UPF2: variants seen among roughly 807,000 people sequenced by gnomAD.
UPF2 encodes the protein UPF2 regulator of nonsense mediated mRNA decay, also known as regulator of nonsense transcripts 2.
In UPF2, 17 loss-of-function variants were observed where a neutral mutation model predicts 141.4. The ratio of observed to expected loss-of-function variants is 0.12; its 90% CI spans 0.08 to 0.18. The LOEUF is 0.18. Ranked by LOEUF, UPF2 falls within the 10% of genes least tolerant of loss-of-function variation. The pLI is 1.00. For synonymous variants in UPF2, 540 were observed against 498.0 expected, an observed-to-expected ratio of 1.08 and a Z score of -1.12; for missense variants, 1,152 against 1,515.9, an observed-to-expected ratio of 0.76 and a Z score of 3.99.
At chr10:12,035,653 T>C (rs769010044) in intron 1 of UPF2, 28 of 482,526 alleles carry the variant, frequency 5.8e-5, no homozygotes, top group Non-Finnish European at 8.8e-5. Context: ...TCTAAGTACT[T>C]GTTTTTTACT....
intron 4 of UPF2, among the ~76,000 whole-genome samples, chr10:12,012,546 G>GT (rs1383708137): frequency 2.0e-5 from 3 of 151,478 alleles, no homozygotes; most frequent in Non-Finnish European, 4.4e-5. Flanking sequence ...TTGGGAGGCC[G>GT]AGGTGTACCT....
At chr10:12,031,554 G>A (rs972915966) in intron 2 of UPF2, among the ~76,000 whole-genome samples, 51 of 152,298 alleles carry the variant, frequency 3.3e-4, no homozygotes, top group African/African-American at 1.1e-3. Flanking sequence ...AAGCTGAGGT[G>A]GGAAGAGCCC....
chr10:12,022,003 G>A (rs1390973938), intron 3 of UPF2, among the ~76,000 whole-genome samples: 1 of 152,110 alleles, frequency 6.6e-6, no homozygotes, highest in Non-Finnish European at 1.5e-5. Flanking sequence ...AGTCGAGTGT[G>A]GTGGCAGGTG....
chr10:11,934,792 G>A (rs987796583), intron 19 of UPF2, among the ~76,000 whole-genome samples: 6 of 152,110 alleles, frequency 3.9e-5, no homozygotes, highest in Non-Finnish European at 5.9e-5. Flanking sequence ...GTTTCACTAT[G>A]TTGGTCAGGC....
At chr10:11,988,611 G>C (rs910163121) in intron 8 of UPF2, among the ~76,000 whole-genome samples, 4 of 152,202 alleles carry the variant, frequency 2.6e-5, no homozygotes, top group African/African-American at 7.2e-5. Flanking sequence ...CCAGGGAGGA[G>C]GACGAGAATC....
At chr10:12,001,467 T>G (rs1352717054) in intron 6 of UPF2, among the ~76,000 whole-genome samples, 2 of 152,124 alleles carry the variant, frequency 1.3e-5, no homozygotes, top group Non-Finnish European at 2.9e-5. Flanking sequence ...ATTTAAAATT[T>G]AGATGATCAT....
intron 8 of UPF2, among the ~76,000 whole-genome samples, chr10:11,989,526 G>A (rs1833745627): frequency 6.6e-6 from 1 of 152,136 alleles, no homozygotes; most frequent in African/African-American, 2.4e-5. Context: ...TCAAAAGACT[G>A]TCCTCTACCA....
intron 16 of UPF2, among the ~76,000 whole-genome samples, chr10:11,947,833 T>C (rs75456057): frequency 0.17 from 25,314 of 150,244 alleles, 2,425 homozygotes; most frequent in South Asian, 0.26. Flanking sequence ...CAATTTTTTC[T>C]TTAAATTGCT....
At position 11,992,325 on chromosome 10, in the gene UPF2, T is replaced by C. The variant is rs775760012; in HGVS notation, c.1844+5347A>G. Among the ~76,000 whole-genome samples the C allele has an allele frequency of 3.9e-5, 6 of 152,014 alleles. No individual in the cohort carries two copies. Among genetic ancestry groups the C allele is most frequent in the Non-Finnish European group, 7.4e-5 (5 of 67,990 alleles). Reference sequence around the variant, plus strand: ...CTGAAATAATGCTGAAAGTTAAATATCACTCAAATACAAGAATAAGTACAT... The same window carrying C: ...CTGAAATAATGCTGAAAGTTAAATACCACTCAAATACAAGAATAAGTACAT... On this transcript the variant is annotated intron_variant, in intron 8 of 21. Coordinates refer to ENST00000357604, the MANE Select transcript of UPF2 (RefSeq NM_015542.4). The surrounding 1 kb of genome is among the most constrained non-coding windows in gnomAD (Gnocchi z 4.1).
intron 9 of UPF2, among the ~76,000 whole-genome samples, chr10:11,969,669 C>T (rs965459254): frequency 2.0e-5 from 3 of 152,148 alleles, no homozygotes; most frequent in Admixed American, 2.0e-4. Flanking sequence ...CATATACATG[C>T]ACATAAAAAA....
At chr10:12,032,628 C>CT (rs1834545366) in intron 2 of UPF2, among the ~76,000 whole-genome samples, 1 of 151,830 alleles carries the variant, frequency 6.6e-6, no homozygotes, top group South Asian at 2.1e-4. Flanking sequence ...GTCCCAGCTA[C>CT]TCAAGAGGCA....
chr10:11,974,672 G>T (rs911178846), intron 9 of UPF2, among the ~76,000 whole-genome samples: 2 of 152,162 alleles, frequency 1.3e-5, no homozygotes, highest in African/African-American at 4.8e-5. Flanking sequence ...TTCTACGATG[G>T]ATTACGTTTA....
chr10:11,993,156 A>C (rs1045761512), intron 8 of UPF2, among the ~76,000 whole-genome samples: 4 of 66,570 alleles, frequency 6.0e-5, no homozygotes, highest in African/African-American at 1.2e-4. Flanking sequence ...CCTCAAAAAA[A>C]AAAAAAAAAA....
intron 3 of UPF2, among the ~76,000 whole-genome samples, chr10:12,023,510 T>TAAAAAAAAA (rs762703531): frequency 5.1e-5 from 6 of 117,258 alleles, no homozygotes; most frequent in East Asian, 2.6e-4. Flanking sequence ...CTGTCTCTAC[T>TAAAAAAAAA]AAAAAAAAAA....
chr10:12,001,230 A>G (rs1833947534), intron 6 of UPF2, among the ~76,000 whole-genome samples: 1 of 152,164 alleles, frequency 6.6e-6, no homozygotes, highest in African/African-American at 2.4e-5. Context: ...CCTGGCCAAC[A>G]TGGTGAAACC....
intron 1 of UPF2, among the ~76,000 whole-genome samples, chr10:12,037,402 C>CTTTTTT (rs59226793): frequency 8.2e-6 from 1 of 122,290 alleles, no homozygotes; most frequent in African/African-American, 3.1e-5. Context: ...TTTTGTTTTT[C>CTTTTTT]TTTTTTTTTT....
intron 9 of UPF2, among the ~76,000 whole-genome samples, chr10:11,968,259 G>C (rs1317873111): frequency 1.3e-5 from 2 of 152,166 alleles, no homozygotes; most frequent in Non-Finnish European, 2.9e-5. Flanking sequence ...CCAGTCCCAA[G>C]ATGTGCTCTG....
In UPF2 at chr10:11,953,962, A is replaced by C. The variant is rs1833109608; in HGVS notation, c.2850+1270T>G. 6.6e-6 allele frequency among the ~76,000 whole-genome samples: 1 copy of C among 152,238 alleles called. No individual in the cohort carries two copies. On this transcript the variant is annotated intron_variant, in intron 14 of 21. Coordinates refer to ENST00000357604, the MANE Select transcript of UPF2 (RefSeq NM_015542.4). This position sits in a 1 kb window ranked among gnomAD's most constrained non-coding sequence, Gnocchi z 5.0. Reference sequence around the variant, plus strand: ...TATTTTCTTCATAATGGGTAAATGAAAATACTAACAATTGTGATTATATAG... The same window carrying C: ...TATTTTCTTCATAATGGGTAAATGACAATACTAACAATTGTGATTATATAG...
intron 3 of UPF2, among the ~76,000 whole-genome samples, chr10:12,015,324 C>T (rs979276105): frequency 5.9e-5 from 9 of 152,198 alleles, no homozygotes; most frequent in Admixed American, 4.6e-4. Flanking sequence ...AATGCCTATA[C>T]TTATTCTTCC....
Sources: gnomAD v4.1 joint callset for allele counts (sites outside exome capture counted in the v4.1 genomes callset) on GRCh38, gnomAD v4.1.1 for gene constraint, Gnocchi (gnomAD v3.1) non-coding constraint, MANE v1.5 for transcripts, NCBI Gene and HGNC (gene_info 2026-07-23, HGNC 2026-07-21) for gene names.